TTC29: variants seen among roughly 807,000 people sequenced by gnomAD.
TTC29 encodes tetratricopeptide repeat domain 29.
TTC29 carries 49 observed loss-of-function variants against 58.1 expected under a neutral mutation model. The ratio of observed to expected loss-of-function variants is 0.84; its 90% CI spans 0.67 to 1.07. The LOEUF is 1.07. Among genes scored for constraint, TTC29 ranks in the 50% least tolerant of loss-of-function variants. The pLI is 0.00. For synonymous variants in TTC29, 209 were observed against 196.8 expected (o/e 1.06, Z -0.52); for missense variants, 582 against 555.6 (o/e 1.05, Z -0.48).
chr4:146,804,161 T>A (rs1329806798), intron 10 of TTC29, among the ~76,000 whole-genome samples: 1 of 152,140 alleles, frequency 6.6e-6, no homozygotes, highest in African/African-American at 2.4e-5. Flanking sequence ...AATTCCCTCA[T>A]CTAGCCAAGG....
At chr4:146,819,250 T>G (rs1283213346) in intron 10 of TTC29, among the ~76,000 whole-genome samples, 1 of 152,182 alleles carries the variant, frequency 6.6e-6, no homozygotes, top group Admixed American at 6.5e-5. Flanking sequence ...CCTAGAAATT[T>G]AAGTAACTGG....
At chr4:146,747,370 C>T (rs190067121) in intron 11 of TTC29, among the ~76,000 whole-genome samples, 1 of 152,294 alleles carries the variant, frequency 6.6e-6, no homozygotes, top group Non-Finnish European at 1.5e-5. Context: ...GCCACCACTG[C>T]ACCACAGGAA....
intron 5 of TTC29, among the ~76,000 whole-genome samples, chr4:146,908,817 A>G (rs1733697328): frequency 6.6e-6 from 1 of 152,244 alleles, no homozygotes; most frequent in African/African-American, 2.4e-5. Flanking sequence ...CTGGCTCGGA[A>G]GGACATCACC....
intron 11 of TTC29, among the ~76,000 whole-genome samples, chr4:146,786,341 T>C (rs1414624643): frequency 6.6e-6 from 1 of 152,232 alleles, no homozygotes; most frequent in African/African-American, 2.4e-5. Flanking sequence ...GTGTTTGAAA[T>C]ATGTGCTTTA....
At position 146,936,452 on chromosome 4, in the gene TTC29, A is replaced by G. The variant is rs200084154; in HGVS notation, c.176+1142T>C. 5.3e-5 allele frequency among the ~76,000 whole-genome samples: 8 copies of G among 152,302 alleles called. No homozygotes were observed. In the East Asian group the frequency reaches 1.5e-3, roughly 29 times the overall value. On this transcript the variant is annotated intron_variant, in intron 4 of 12. Transcript: ENST00000325106. ...GCATACATATATTTTTCTTTTAAGA[A>G]GTAGTTGTACTATAATACAATATTG...
chr4:146,744,985 C>T (rs1561082421), intron 11 of TTC29, among the ~76,000 whole-genome samples: 1 of 152,152 alleles, frequency 6.6e-6, no homozygotes, highest in Non-Finnish European at 1.5e-5. Flanking sequence ...AGAAGAATCC[C>T]TGTCATTCAT....
intron 8 of TTC29, among the ~76,000 whole-genome samples, chr4:146,836,751 A>G (rs12508870): frequency 0.062 from 9,478 of 152,148 alleles, 398 homozygotes; most frequent in Admixed American, 0.13. Context: ...AAAAAGCTCA[A>G]TATCAGTGAT....
At chr4:146,869,299 C>G (rs1241900484) in intron 7 of TTC29, among the ~76,000 whole-genome samples, 1 of 152,116 alleles carries the variant, frequency 6.6e-6, no homozygotes, top group African/African-American at 2.4e-5. Context: ...GCTGCTGAAG[C>G]AGCGGCTCTT....
At chr4:146,923,374 CGTAA>C (rs1313843664) in intron 4 of TTC29, among the ~76,000 whole-genome samples, 1 of 151,102 alleles carries the variant, frequency 6.6e-6, no homozygotes, top group Non-Finnish European at 1.5e-5. Flanking sequence ...TCGAAACCAT[CGTAA>C]GTAGAGTTTA....
chr4:146,776,294 C>T (rs2150080201), intron 11 of TTC29, among the ~76,000 whole-genome samples: 1 of 152,292 alleles, frequency 6.6e-6, no homozygotes, highest in East Asian at 1.9e-4. Context: ...TCTGTCATTT[C>T]AACCTTTTCA....
At chr4:146,752,132 T>C (rs1399543493) in intron 11 of TTC29, among the ~76,000 whole-genome samples, 1 of 151,900 alleles carries the variant, frequency 6.6e-6, no homozygotes, top group African/African-American at 2.4e-5. Context: ...AAATTGTCCC[T>C]GTTTGCAGAT....
At chr4:146,791,547 C>T (rs913012291) in intron 11 of TTC29, among the ~76,000 whole-genome samples, 7 of 152,162 alleles carry the variant, frequency 4.6e-5, no homozygotes, top group Non-Finnish European at 1.0e-4. Context: ...TTGGGCCTCC[C>T]TATTCCCTGA....
At chr4:146,916,111 T>A (rs953848645) in intron 4 of TTC29, among the ~76,000 whole-genome samples, 1 of 151,848 alleles carries the variant, frequency 6.6e-6, no homozygotes. Flanking sequence ...TCAGTTAATA[T>A]AATTTCCTTG....
intron 11 of TTC29, among the ~76,000 whole-genome samples, chr4:146,782,027 A>C (rs1035404919): frequency 2.6e-5 from 4 of 151,964 alleles, no homozygotes; most frequent in Non-Finnish European, 5.9e-5. Context: ...AAATGAAAAA[A>C]AAAGAATACC....
chr4:146,751,828 A>G (rs1746021875), intron 11 of TTC29, among the ~76,000 whole-genome samples: 1 of 152,198 alleles, frequency 6.6e-6, no homozygotes, highest in South Asian at 2.1e-4. Flanking sequence ...GAAGGAAATC[A>G]TAAAAATCAG....
At position 146,796,503 on chromosome 4, in the gene TTC29, C is replaced by G. The variant is rs145984670; in HGVS notation, c.1330+6954G>C. 8.0e-3 allele frequency among the ~76,000 whole-genome samples: 1,215 copies of G among 152,168 alleles called. 4 individuals are homozygous for G. Among genetic ancestry groups the G allele is most frequent in the Non-Finnish European group, 0.012 (817 of 67,992 alleles). On this transcript the variant is annotated intron_variant, in intron 11 of 12. Transcript: ENST00000325106. The stretch of plus-strand genomic sequence containing the variant: ...TATTTAGTAATTATCCATTTAATGT[C>G]TTCTAAAACACACATCATAATAATA...
intron 8 of TTC29, among the ~76,000 whole-genome samples, chr4:146,850,354 A>G (rs1312620828): frequency 6.6e-6 from 1 of 152,244 alleles, no homozygotes; most frequent in East Asian, 1.9e-4. Context: ...CATTTGAGCC[A>G]TCTGGCTTCA....
rs114729387 is a variant in TTC29 at position 146,861,765 on chromosome 4, G to A, written c.885+5733C>T. Reference sequence around the variant, plus strand: ...TTATTGATTGGGAATATTCACTTGTGTTTATCCAAGTTTCTTTGAAAAAAA... The same window carrying A: ...TTATTGATTGGGAATATTCACTTGTATTTATCCAAGTTTCTTTGAAAAAAA... On this transcript the variant is annotated intron_variant, in intron 8 of 12. Transcript: ENST00000325106. 4.0e-3 allele frequency among the ~76,000 whole-genome samples: 600 copies of A among 151,766 alleles called. 6 individuals are homozygous for A. Among genetic ancestry groups the A allele is most frequent in the African/African-American group, 0.013 (557 of 41,374 alleles).
intron 7 of TTC29, among the ~76,000 whole-genome samples, chr4:146,870,337 T>C (rs1197544972): frequency 1.3e-5 from 2 of 151,926 alleles, no homozygotes; most frequent in African/African-American, 2.4e-5. Flanking sequence ...CAAACCAAAA[T>C]GTATGGGATA....
Sources: allele counts gnomAD v4.1 joint callset (sites outside exome capture counted in the v4.1 genomes callset), GRCh38; gene constraint gnomAD v4.1.1; transcripts MANE v1.5; gene names NCBI Gene and HGNC (gene_info 2026-07-23, HGNC 2026-07-21).